The following YIPF5 variants were observed in gnomAD, a reference collection of about 807,000 sequenced individuals.
YIPF5 encodes Yip1 domain family member 5, also known as protein YIPF5.
YIPF5 carries 8 observed loss-of-function variants against 30.4 expected under a neutral mutation model. The observed-to-expected ratio is 0.26, with a 90% CI of 0.15 to 0.47. The LOEUF (loss-of-function observed/expected upper bound fraction) is 0.47. Among genes scored for constraint, YIPF5 ranks in the 20% least tolerant of loss-of-function variants. The pLI is 0.99. For synonymous variants in YIPF5, 104 were observed against 107.9 expected (o/e 0.96, Z 0.23); for missense variants, 282 against 301.8 (o/e 0.93, Z 0.49).
intron 2 of YIPF5, 86 bp from the exon 3 acceptor site, chr5:144,165,690 C>T: frequency 7.3e-7 from 1 of 1,368,738 alleles, no homozygotes; most frequent in Non-Finnish European, 9.9e-7. Context: ...TTTCATGTGA[C>T]AGCTAAAGAA....
chr5:144,162,083 T>A, intron 5 of YIPF5, 135 bp downstream of exon 5: 1 of 889,324 alleles, frequency 1.1e-6, no homozygotes, highest in Non-Finnish European at 1.7e-6. Context: ...CCGAAACCAT[T>A]TGGCACTGTC....
chr5:144,170,154 T>A, intron 1 of YIPF5, 189 bp from the exon 2 acceptor site: 1 of 576,020 alleles, frequency 1.7e-6, no homozygotes, highest in East Asian at 3.0e-5. Context: ...TGTATATTCT[T>A]TTAAGTTGCG....
intron 2 of YIPF5, among the ~76,000 whole-genome samples, chr5:144,168,287 G>A (rs935393873): frequency 1.2e-4 from 18 of 152,036 alleles, no homozygotes; most frequent in Non-Finnish European, 2.2e-4. Context: ...TGATGCAAAC[G>A]TGGACAGGAC....
At chr5:144,164,385 T>C in intron 3 of YIPF5, 129 bp from the exon 4 acceptor site, 1 of 778,260 alleles carries the variant, frequency 1.3e-6, no homozygotes, top group Non-Finnish European at 2.0e-6. Flanking sequence ...TGGATGATAT[T>C]ATTATTATTA....
Position 144,159,794 on chromosome 5 carries a change from C to T in YIPF5, c.*603G>A, listed in dbSNP as rs536754040. 248 of 662,888 alleles carry T rather than the reference C, an allele frequency of 3.7e-4. 3 individuals are homozygous for T. The African/African-American group carries it at 5.9e-3, about 16-fold the overall frequency. The allele number at this position is 662,888 out of a possible 1,614,324, so 41.1% of individuals were successfully genotyped here. A position where few individuals can be genotyped will look rare whatever the true frequency, so the allele number is the denominator to read the frequency against. On this transcript the variant is annotated 3_prime_UTR_variant, in exon 6 of 6. Coordinates refer to ENST00000274496, the MANE Select transcript of YIPF5 (RefSeq NM_030799.9). ...TGTGATCTCGGCTCACTGCAAGCTC[C>T]GCCTCCTGGGTTCACACTTCTCCTG...
Position 144,165,511 on chromosome 5 carries a change from C to T in YIPF5, c.204G>A (p.Gln68=), listed in dbSNP as rs764660643. ...PQQPYTGQIY[Q]PTQAYTPASP... ...AAGCTGGAGTATATGCCTGAGTTGG[C>T]TGGTAAATCTGCCCGGTGTATGGCT... Residue 68 remains glutamine (Q), a synonymous_variant, in exon 3 of 6, where the codon CAG becomes CAA. Transcript: ENST00000274496. 22 of 1,613,994 alleles carry T rather than the reference C, an allele frequency of 1.4e-5. 1 individual carries two copies. The highest frequency in any genetic ancestry group is 1.5e-5 in the Non-Finnish European group (18 of 1,180,018).
chr5:144,160,872 G>A (rs1264117139), intron 5 of YIPF5, among the ~76,000 whole-genome samples: 1 of 152,120 alleles, frequency 6.6e-6, no homozygotes, highest in Non-Finnish European at 1.5e-5. Context: ...TGTGGGGGCT[G>A]TCCTGTGCAC....
chr5:144,164,797 T>C (rs1204853447), intron 3 of YIPF5, among the ~76,000 whole-genome samples: 1 of 152,130 alleles, frequency 6.6e-6, no homozygotes, highest in Non-Finnish European at 1.5e-5. Flanking sequence ...GAAAAGGGTA[T>C]GGATCTGATG....
rs542697552 is a variant in YIPF5 at position 144,159,158 on chromosome 5, A to G, written c.*1239T>C. On this transcript the variant is annotated 3_prime_UTR_variant, in exon 6 of 6. Coordinates refer to ENST00000274496, the MANE Select transcript of YIPF5 (RefSeq NM_030799.9). ...TAATCCCCTTTTTGTCTGATTCTATATTAGCTGATTTCTATTCTTAAAGCT... is the reference window on the plus strand; with the variant it reads ...TAATCCCCTTTTTGTCTGATTCTATGTTAGCTGATTTCTATTCTTAAAGCT... The G allele has an allele frequency of 2.0e-6, 2 of 985,144 alleles. No individual in the cohort carries two copies. The highest frequency in any genetic ancestry group is 9.4e-5 in the South Asian group (2 of 21,278). 61.0% of individuals were successfully genotyped at this position (985,144 alleles called of 1,614,324 possible). A position where few individuals can be genotyped will look rare whatever the true frequency, so the allele number is the denominator to read the frequency against.
chr5:144,164,746 G>A (rs1456199355), intron 3 of YIPF5, among the ~76,000 whole-genome samples: 1 of 151,910 alleles, frequency 6.6e-6, no homozygotes, highest in Non-Finnish European at 1.5e-5. Context: ...TCTTCAATGT[G>A]GTGCTCATCC....
At chr5:144,161,301 ACCTT>A (rs1561512879) in intron 5 of YIPF5, among the ~76,000 whole-genome samples, 3 of 148,522 alleles carry the variant, frequency 2.0e-5, no homozygotes, top group Admixed American at 6.7e-5. Flanking sequence ...AAGAGGAGGA[ACCTT>A]ATTGGCGGTA....
At chr5:144,162,461 A>C in intron 4 of YIPF5, 62 bp from the exon 5 acceptor site, 2 of 1,441,146 alleles carry the variant, frequency 1.4e-6, no homozygotes, top group South Asian at 1.3e-5. Context: ...GCCTTATTTC[A>C]CCTGAATCAG....
At chr5:144,163,664 T>C (rs1160357520) in intron 4 of YIPF5, among the ~76,000 whole-genome samples, 1 of 152,096 alleles carries the variant, frequency 6.6e-6, no homozygotes, top group African/African-American at 2.4e-5. Flanking sequence ...TTAACATTCT[T>C]GGGAAGGTGA....
chr5:144,159,093 A>C lies in YIPF5; in HGVS notation c.*1304T>G. ...AGAACATGACAATATAAATCAAATAAATTTAATACAATAAAATAATGTAAC... is the reference window on the plus strand; with the variant it reads ...AGAACATGACAATATAAATCAAATACATTTAATACAATAAAATAATGTAAC... On this transcript the variant is annotated 3_prime_UTR_variant, in exon 6 of 6. Coordinates refer to ENST00000274496, the MANE Select transcript of YIPF5 (RefSeq NM_030799.9). 1 of 981,086 alleles carries C rather than the reference A, an allele frequency of 1.0e-6. No individual in the cohort carries two copies. Among genetic ancestry groups the C allele is most frequent in the Non-Finnish European group, 1.2e-6 (1 of 826,034 alleles). 60.8% of individuals were successfully genotyped at this position (981,086 alleles called of 1,614,324 possible). A position where few individuals can be genotyped will look rare whatever the true frequency, so the allele number is the denominator to read the frequency against.
At chr5:144,165,810 T>C (rs754197627) in intron 2 of YIPF5, among the ~76,000 whole-genome samples, 19 of 152,160 alleles carry the variant, frequency 1.2e-4, no homozygotes, top group Non-Finnish European at 1.8e-4. Context: ...TCATAATTTT[T>C]ATAGAAAATA....
intron 4 of YIPF5, among the ~76,000 whole-genome samples, chr5:144,163,619 A>G (rs1010198867): frequency 2.0e-5 from 3 of 152,160 alleles, no homozygotes; most frequent in Admixed American, 2.0e-4. Context: ...AAATATTAAC[A>G]ATTATCTTTA....
intron 3 of YIPF5, 139 bp downstream of exon 3, chr5:144,165,293 A>T: frequency 8.7e-7 from 1 of 1,155,386 alleles, no homozygotes; most frequent in Non-Finnish European, 1.2e-6. Flanking sequence ...TACTCTGTTT[A>T]AAATGAGTTG....
In YIPF5 at chr5:144,158,395, C is replaced by A. The variant is rs1274944858; in HGVS notation, c.*2002G>T. ...ATAACCACCACAAAAAAAATCTCTA[C>A]AATAATTTAAACTAAAAATGTTGTT... On this transcript the variant is annotated 3_prime_UTR_variant, in exon 6 of 6. Coordinates refer to ENST00000274496, the MANE Select transcript of YIPF5 (RefSeq NM_030799.9). The A allele has an allele frequency of 8.1e-7, 1 of 1,229,736 alleles. No individual in the cohort carries two copies. Among genetic ancestry groups the A allele is most frequent in the Non-Finnish European group, 1.1e-6 (1 of 951,144 alleles). 76.2% of individuals were successfully genotyped at this position (1,229,736 alleles called of 1,614,324 possible).
At position 144,159,704 on chromosome 5, in the gene YIPF5, TC is replaced by T. The variant is rs1168112423; in HGVS notation, c.*692del. The T allele has an allele frequency of 1.1e-6, 1 of 913,744 alleles. No individual in the cohort carries two copies. Among genetic ancestry groups the T allele is most frequent in the Non-Finnish European group, 1.3e-6 (1 of 780,382 alleles). 56.6% of individuals were successfully genotyped at this position (913,744 alleles called of 1,614,324 possible). A position where few individuals can be genotyped will look rare whatever the true frequency, so the allele number is the denominator to read the frequency against. On this transcript the variant is annotated 3_prime_UTR_variant, in exon 6 of 6. Transcript: ENST00000274496. ...ATATTTTTGCAGTAAGTCTTGTGTCTCCTTTTTTTTTTTTTTTTGAGACAGA... is the reference window on the plus strand; with the variant it reads ...ATATTTTTGCAGTAAGTCTTGTGTCTCTTTTTTTTTTTTTTTTGAGACAGA...
Sources: allele counts gnomAD v4.1 joint callset (sites outside exome capture counted in the v4.1 genomes callset), GRCh38; gene constraint gnomAD v4.1.1; transcripts MANE v1.5; gene names NCBI Gene and HGNC (gene_info 2026-07-23, HGNC 2026-07-21).